TLL1: variants seen among roughly 807,000 people sequenced by gnomAD.
TLL1 encodes tolloid-like protein 1.
TLL1 carries 49 observed loss-of-function variants against 128.2 expected under a neutral mutation model. The ratio of observed to expected loss-of-function variants is 0.38; its 90% CI spans 0.30 to 0.48. The LOEUF is 0.48. TLL1 is among the 20% of genes least tolerant of loss of function. TLL1 has a pLI of 0.96. For synonymous variants in TLL1, 454 were observed against 418.8 expected, an observed-to-expected ratio of 1.08 and a Z score of -1.03; for missense variants, 1,123 against 1,242.0, an observed-to-expected ratio of 0.90 and a Z score of 1.44.
At chr4:165,903,866 A>T (rs1732125447) in intron 1 of TLL1, among the ~76,000 whole-genome samples, 1 of 152,230 alleles carries the variant, frequency 6.6e-6, no homozygotes, top group Admixed American at 6.5e-5. Flanking sequence ...TCATGGGTGG[A>T]TGCTTACTTC....
chr4:166,076,500 A>G (rs758039459), intron 17 of TLL1, among the ~76,000 whole-genome samples: 1 of 152,234 alleles, frequency 6.6e-6, no homozygotes, highest in Non-Finnish European at 1.5e-5. Flanking sequence ...TACATAAATG[A>G]TATAGGAAAC....
chr4:166,100,629 G>A, intron 20 of TLL1, 113 bp from the exon 21 acceptor site: 1 of 1,397,538 alleles, frequency 7.2e-7, no homozygotes, highest in Non-Finnish European at 1.0e-6. Flanking sequence ...AAGGTTGTTG[G>A]GAGGATTAAA....
In TLL1 at chr4:166,043,375, G is replaced by C. The variant is rs1362195860; in HGVS notation, c.1480G>C (p.Val494Leu). The C allele has an allele frequency of 6.2e-7, 1 of 1,614,138 alleles. No homozygotes were observed. Among genetic ancestry groups the C allele is most frequent in the East Asian group, 2.2e-5 (1 of 44,860 alleles). ...PMKECVWKITVSESYHVGLTF... is the reference protein window; with the variant it reads ...PMKECVWKITLSESYHVGLTF... ...GAAAGAATGTGTGTGGAAAATAACA[G>C]TGTCTGAGAGCTACCACGTCGGGCT... Residue 494 changes from valine to leucine, a missense_variant, in exon 12 of 21, where the codon GTG becomes CTG. Around this residue, in one of 3 missense-constraint regions of TLL1, gnomAD observed 634 missense variants for 672.4 expected, o/e 0.94. Transcript: ENST00000061240.
At chr4:165,989,322 T>G in intron 1 of TLL1, 59 bp from the exon 2 acceptor site, 2 of 1,220,120 alleles carry the variant, frequency 1.6e-6, no homozygotes, top group Non-Finnish European at 2.4e-6. Flanking sequence ...CTAATTAGCT[T>G]TGTGTGTATT....
chr4:166,020,733 T>A (rs2111061689), intron 8 of TLL1, among the ~76,000 whole-genome samples: 1 of 152,348 alleles, frequency 6.6e-6, no homozygotes, highest in South Asian at 2.1e-4. Flanking sequence ...TTAGACCAAC[T>A]ATTGTCCCTA....
At chr4:165,982,103 CAAT>C (rs895260277) in intron 1 of TLL1, among the ~76,000 whole-genome samples, 3 of 151,806 alleles carry the variant, frequency 2.0e-5, no homozygotes, top group Non-Finnish European at 2.9e-5. Flanking sequence ...GATTGATAGA[CAAT>C]AAGAGAATGG....
intron 17 of TLL1, among the ~76,000 whole-genome samples, chr4:166,076,815 T>C (rs1049136050): frequency 6.6e-6 from 1 of 151,940 alleles, no homozygotes; most frequent in Non-Finnish European, 1.5e-5. Context: ...TACCTTCCAC[T>C]TTATTGTAAT....
At chr4:165,924,656 A>G (rs561129092) in intron 1 of TLL1, among the ~76,000 whole-genome samples, 2 of 152,270 alleles carry the variant, frequency 1.3e-5, no homozygotes, top group South Asian at 2.1e-4. Context: ...AGCTAAGATC[A>G]TTGATGGAGG....
intron 1 of TLL1, among the ~76,000 whole-genome samples, chr4:165,931,134 C>T (rs1325355697): frequency 6.6e-6 from 1 of 152,028 alleles, no homozygotes; most frequent in Non-Finnish European, 1.5e-5. Context: ...TATAAAATAT[C>T]ATTTGTAATT....
intron 1 of TLL1, among the ~76,000 whole-genome samples, chr4:165,935,164 C>T (rs906115118): frequency 6.6e-6 from 1 of 152,134 alleles, no homozygotes; most frequent in African/African-American, 2.4e-5. Context: ...AGTCACAAAA[C>T]TAAAAGGCAG....
intron 1 of TLL1, among the ~76,000 whole-genome samples, chr4:165,936,344 C>T (rs1733763473): frequency 6.6e-6 from 1 of 151,016 alleles, no homozygotes. Context: ...CTCAGCCTCC[C>T]AAGTAGCTGG....
chr4:166,009,359 G>T (rs1322320190), intron 7 of TLL1, among the ~76,000 whole-genome samples: 3 of 151,402 alleles, frequency 2.0e-5, no homozygotes, highest in Non-Finnish European at 3.0e-5. Context: ...AACAGAGAAG[G>T]TACTGGAGAG....
intron 1 of TLL1, among the ~76,000 whole-genome samples, chr4:165,961,836 A>G (rs1364638480): frequency 6.6e-6 from 1 of 151,890 alleles, no homozygotes; most frequent in Non-Finnish European, 1.5e-5. Context: ...GGATTAAAGA[A>G]TTAAGTGTAA....
intron 15 of TLL1, among the ~76,000 whole-genome samples, chr4:166,065,306 CT>C (rs1740519284): frequency 6.6e-6 from 1 of 152,052 alleles, no homozygotes; most frequent in Non-Finnish European, 1.5e-5. Flanking sequence ...CCATCTTTCT[CT>C]TTTAAAGTTA....
chr4:165,962,925 C>A (rs546199167), intron 1 of TLL1, among the ~76,000 whole-genome samples: 1 of 150,832 alleles, frequency 6.6e-6, no homozygotes, highest in Non-Finnish European at 1.5e-5. Flanking sequence ...CATGGTGGCA[C>A]GTGCCTGTAA....
At position 166,077,989 on chromosome 4, in the gene TLL1, A is replaced by G. The variant is rs2111141186; in HGVS notation, c.2401A>G (p.Thr801Ala). Residue 801 changes from threonine (T) to alanine (A), a missense_variant, in exon 18 of 21, where the codon ACT (threonine) becomes GCT (alanine). By Grantham distance (58) the Thr-to-Ala change is moderately conservative (BLOSUM62 0). Around this residue, in one of 3 missense-constraint regions of TLL1, gnomAD observed 634 missense variants for 672.4 expected, o/e 0.94. Transcript: ENST00000061240. ...CAAGTACCCAAGCAGGAAAGAATGC[A>G]CTTGGGAAATCAGCGCCACTCCTGG... is the stretch of plus-strand genomic sequence containing the variant. Reference protein sequence around the residue: ...PDKYPSRKECTWEISATPGHR... With the variant: ...PDKYPSRKECAWEISATPGHR... 5.6e-6 allele frequency: 9 copies of G among 1,613,768 alleles called. No individual in the cohort carries two copies. The highest frequency in any genetic ancestry group is 7.6e-6 in the Non-Finnish European group (9 of 1,179,796).
At position 165,917,053 on chromosome 4, in the gene TLL1, G is replaced by A. The variant is rs546646428; in HGVS notation, c.169+42980G>A. Among the ~76,000 whole-genome samples the A allele has an allele frequency of 7.2e-5, 11 of 151,994 alleles. 1 individual carries two copies. The South Asian group carries it at 1.9e-3, about 26-fold the overall frequency. On this transcript the variant is annotated intron_variant, in intron 1 of 20. Coordinates refer to ENST00000061240, the MANE Select transcript of TLL1 (RefSeq NM_012464.5). ...TTATTGTGAATTTCTATATTATGTAGTATTTACGGCTTAAATTTTCCTTGT... is the reference window on the plus strand; with the variant it reads ...TTATTGTGAATTTCTATATTATGTAATATTTACGGCTTAAATTTTCCTTGT...
At chr4:166,004,644 C>T (rs761637663) in intron 6 of TLL1, among the ~76,000 whole-genome samples, 2 of 151,942 alleles carry the variant, frequency 1.3e-5, no homozygotes, top group Non-Finnish European at 1.5e-5. Context: ...GTATTTCAGG[C>T]GGACAGAAGA....
rs573687712 is a variant in TLL1 at position 166,040,030 on chromosome 4, C to T, written c.1261+589C>T. ...GGTGCTCATGAAAGTCTGCTGTCAA[C>T]GTTTAACCACAGACCACACTATTAA... On this transcript the variant is annotated intron_variant, in intron 10 of 20. Coordinates refer to ENST00000061240, the MANE Select transcript of TLL1 (RefSeq NM_012464.5). Among the ~76,000 whole-genome samples the T allele has an allele frequency of 4.7e-4, 72 of 152,294 alleles. No homozygotes were observed. The South Asian group carries it at 0.015, about 31-fold the overall frequency.
Sources: gnomAD v4.1 joint callset for allele counts (sites outside exome capture counted in the v4.1 genomes callset) on GRCh38, gnomAD v4.1.1 for gene constraint, gnomAD v4.1.1 regional missense constraint, MANE v1.5 for transcripts, NCBI Gene and HGNC (gene_info 2026-07-23, HGNC 2026-07-21) for gene names.